Variants in GRID2 observed in about 807,000 individuals in gnomAD.
GRID2 encodes the protein glutamate ionotropic receptor delta type subunit 2, also known as glutamate receptor ionotropic, delta-2.
A neutral mutation model predicts 114.8 loss-of-function variants in GRID2; 33 were observed. The observed-to-expected ratio is 0.29, with a 90% CI of 0.22 to 0.38. The LOEUF (loss-of-function observed/expected upper bound fraction) is 0.38, where lower values mean the gene tolerates loss of function less well. GRID2 is among the 10% of genes least tolerant of loss of function. The pLI, the probability that GRID2 is intolerant of heterozygous loss-of-function variation, is 1.00. For missense variants in GRID2, 1,184 were observed against 1,257.7 expected, an observed-to-expected ratio of 0.94 and a Z score of 0.89; for synonymous variants, 505 against 449.9, an observed-to-expected ratio of 1.12 and a Z score of -1.55.
At chr4:92,595,324 T>C (rs115072608) in intron 2 of GRID2, among the ~76,000 whole-genome samples, 2,375 of 152,044 alleles carry the variant, frequency 0.016, 50 homozygotes, top group African/African-American at 0.054. Flanking sequence ...TTTGAATCAA[T>C]ATCTCAAAGT....
At chr4:92,769,707 C>G (rs541151072) in intron 2 of GRID2, among the ~76,000 whole-genome samples, 1 of 152,308 alleles carries the variant, frequency 6.6e-6, no homozygotes, top group East Asian at 1.9e-4. Flanking sequence ...CTTGCACCCT[C>G]TAAAGCCACA....
chr4:93,288,927 G>T (rs1294379876), intron 8 of GRID2, among the ~76,000 whole-genome samples: 1 of 152,136 alleles, frequency 6.6e-6, no homozygotes, highest in Non-Finnish European at 1.5e-5. Context: ...TTCTTTGACT[G>T]AATCTTTCTC....
chr4:93,434,988 C>G (rs1720933662), intron 10 of GRID2, among the ~76,000 whole-genome samples: 1 of 151,952 alleles, frequency 6.6e-6, no homozygotes, highest in African/African-American at 2.4e-5. Context: ...TTGCTTAAAG[C>G]TTATTAGAGA....
chr4:92,410,629 C>A (rs978321808), intron 1 of GRID2, among the ~76,000 whole-genome samples: 4 of 152,100 alleles, frequency 2.6e-5, no homozygotes, highest in Admixed American at 6.5e-5. Flanking sequence ...GAATTTAAAT[C>A]CTACTTCAAG....
intron 1 of GRID2, among the ~76,000 whole-genome samples, chr4:92,397,352 GT>G (rs1730546225): frequency 3.3e-5 from 2 of 61,478 alleles, no homozygotes; most frequent in Non-Finnish European, 6.4e-5. Flanking sequence ...ATGTGTGTGT[GT>G]GTGTGTGTGT....
intron 1 of GRID2, among the ~76,000 whole-genome samples, chr4:92,501,380 C>T (rs532284214): frequency 2.0e-5 from 3 of 152,164 alleles, no homozygotes; most frequent in Non-Finnish European, 4.4e-5. Flanking sequence ...CAAGCTGGTC[C>T]ATGAAATGAT....
chr4:92,908,494 G>A (rs1298767977), intron 2 of GRID2, among the ~76,000 whole-genome samples: 1 of 149,874 alleles, frequency 6.7e-6, no homozygotes, highest in Non-Finnish European at 1.5e-5. Context: ...CCTGGGAGGC[G>A]GAGCTTGCAG....
chr4:92,524,864 C>A (rs1724970137), intron 1 of GRID2, among the ~76,000 whole-genome samples: 1 of 151,870 alleles, frequency 6.6e-6, no homozygotes, highest in South Asian at 2.1e-4. Flanking sequence ...GAGGGTCAAG[C>A]TGAATTTAGA....
chr4:92,970,851 A>G (rs997218289), intron 2 of GRID2, among the ~76,000 whole-genome samples: 2 of 151,956 alleles, frequency 1.3e-5, no homozygotes, highest in African/African-American at 4.8e-5. Flanking sequence ...AGTGCTTTTG[A>G]CATTGATAAA....
intron 13 of GRID2, among the ~76,000 whole-genome samples, chr4:93,596,527 G>T (rs557568449): frequency 4.7e-4 from 72 of 152,054 alleles, no homozygotes; most frequent in Middle Eastern, 3.4e-3. Context: ...GCGGTGAGCC[G>T]AGATCGCGTC....
intron 1 of GRID2, among the ~76,000 whole-genome samples, chr4:92,337,915 A>G (rs1727270518): frequency 6.6e-6 from 1 of 152,146 alleles, no homozygotes; most frequent in Non-Finnish European, 1.5e-5. Flanking sequence ...CTAGGCTGTT[A>G]CATCCATTAT....
intron 14 of GRID2, among the ~76,000 whole-genome samples, chr4:93,707,155 A>C (rs1728072769): frequency 6.6e-6 from 1 of 152,154 alleles, no homozygotes; most frequent in South Asian, 2.1e-4. Flanking sequence ...GATATTGGCC[A>C]GTAGTTTTCC....
At chr4:92,712,169 C>T (rs1735287829) in intron 2 of GRID2, among the ~76,000 whole-genome samples, 1 of 151,918 alleles carries the variant, frequency 6.6e-6, no homozygotes, top group African/African-American at 2.4e-5. Flanking sequence ...TTACAAAATT[C>T]CTTTCTTTTA....
chr4:92,672,708 A>G (rs772069053), intron 2 of GRID2, among the ~76,000 whole-genome samples: 3 of 152,074 alleles, frequency 2.0e-5, no homozygotes, highest in Non-Finnish European at 4.4e-5. Context: ...TTATTCATAC[A>G]TAATACATGT....
chr4:92,555,079 G>A (rs771327665), intron 1 of GRID2, among the ~76,000 whole-genome samples: 53 of 152,164 alleles, frequency 3.5e-4, no homozygotes, highest in Admixed American at 7.2e-4. Flanking sequence ...GGATCCAGTC[G>A]TGAGAGTTGC....
At chr4:93,164,007 T>A (rs1008938516) in intron 4 of GRID2, among the ~76,000 whole-genome samples, 1 of 152,002 alleles carries the variant, frequency 6.6e-6, no homozygotes, top group Non-Finnish European at 1.5e-5. Flanking sequence ...TGTCTTATAA[T>A]TACCTATTAA....
chr4:92,562,193 TCTC>T (rs1727131677), intron 1 of GRID2, among the ~76,000 whole-genome samples: 1 of 152,198 alleles, frequency 6.6e-6, no homozygotes, highest in Non-Finnish European at 1.5e-5. Flanking sequence ...CAACATGAAA[TCTC>T]CTTGAAAAGA....
chr4:93,706,638 T>C (rs894488904), intron 14 of GRID2, among the ~76,000 whole-genome samples: 1 of 152,186 alleles, frequency 6.6e-6, no homozygotes, highest in Non-Finnish European at 1.5e-5. Context: ...TTTCCAAATA[T>C]AAGACCATAT....
intron 12 of GRID2, among the ~76,000 whole-genome samples, chr4:93,508,503 G>GA (rs1387443033): frequency 1.3e-5 from 2 of 151,984 alleles, no homozygotes; most frequent in Non-Finnish European, 2.9e-5. Context: ...CCTTGTTTTT[G>GA]ATTTTTTAAC....
Sources: gnomAD v4.1 joint callset for allele counts (sites outside exome capture counted in the v4.1 genomes callset) on GRCh38, gnomAD v4.1.1 for gene constraint, MANE v1.5 for transcripts, NCBI Gene and HGNC (gene_info 2026-07-23, HGNC 2026-07-21) for gene names.